The following SORCS1 variants were observed in gnomAD, a reference collection of about 807,000 sequenced individuals.
SORCS1 encodes sortilin related VPS10 domain containing receptor 1, also known as VPS10 domain-containing receptor SorCS1.
A neutral mutation model predicts 146.1 loss-of-function variants in SORCS1; 60 were observed. The observed-to-expected ratio is 0.41, with a 90% CI of 0.33 to 0.51. The LOEUF is 0.51. Among genes scored for constraint, SORCS1 ranks in the 20% least tolerant of loss-of-function variants. SORCS1 has a pLI of 0.21. For synonymous variants in SORCS1, 637 were observed against 584.0 expected, an observed-to-expected ratio of 1.09 and a Z score of -1.31; for missense variants, 1,352 against 1,487.6, an observed-to-expected ratio of 0.91 and a Z score of 1.50.
At chr10:106,983,616 C>T (rs188100716) in intron 1 of SORCS1, among the ~76,000 whole-genome samples, 1 of 152,200 alleles carries the variant, frequency 6.6e-6, no homozygotes, top group Non-Finnish European at 1.5e-5. Flanking sequence ...TTAGAGGTCC[C>T]GTAAGCAACA....
In SORCS1 at chr10:106,739,492, GA is replaced by G. The variant is rs760438849; in HGVS notation, c.960-9379del. On this transcript the variant is annotated intron_variant, in intron 5 of 25. Coordinates refer to ENST00000263054, the MANE Select transcript of SORCS1 (RefSeq NM_052918.5). ...AGAGAGAGAGAGACTGTCTCAAAAA[GA>G]AAAAAAAAAAAAAGGAATTGAAAAT... Among the ~76,000 whole-genome samples, 313 of 115,982 alleles carry G rather than the reference GA, an allele frequency of 2.7e-3. 2 individuals carry two copies. The highest frequency in any genetic ancestry group is 5.9e-3 in the Middle Eastern group (1 of 170). 76.1% of individuals were successfully genotyped at this position (115,982 alleles called of 152,430 possible).
Position 106,826,540 on chromosome 10 carries a change from G to A in SORCS1, c.726+3034C>T, listed in dbSNP as rs569469384. Among the ~76,000 whole-genome samples the A allele has an allele frequency of 6.4e-4, 97 of 152,286 alleles. No homozygotes were observed. The Middle Eastern group carries it at 0.027, about 43-fold the overall frequency. On this transcript the variant is annotated intron_variant, in intron 3 of 25. Transcript: ENST00000263054. Reference sequence around the variant, plus strand: ...ATATATTCACACTTTAAAATGTTGTGCAAGTACTATCTCTTTGATTCAAAT... The same window carrying A: ...ATATATTCACACTTTAAAATGTTGTACAAGTACTATCTCTTTGATTCAAAT...
At chr10:106,641,152 A>T (rs1427058264) in intron 18 of SORCS1, among the ~76,000 whole-genome samples, 6 of 152,092 alleles carry the variant, frequency 3.9e-5, no homozygotes, top group African/African-American at 7.2e-5. Flanking sequence ...TGACATTGGA[A>T]TTTTTCATCA....
At chr10:107,155,683 G>A (rs1389444763) in intron 1 of SORCS1, among the ~76,000 whole-genome samples, 5 of 151,970 alleles carry the variant, frequency 3.3e-5, no homozygotes, top group South Asian at 2.1e-4. Flanking sequence ...CTGCCCCACC[G>A]ACCCATCCAC....
rs1207869066 is a variant in SORCS1 at position 106,960,818 on chromosome 10, G to A, written c.559-4238C>T. 6.6e-6 allele frequency among the ~76,000 whole-genome samples: 1 copy of A among 152,146 alleles called. No individual in the cohort carries two copies. Among genetic ancestry groups the A allele is most frequent in the Non-Finnish European group, 1.5e-5 (1 of 68,036 alleles). ...CAGTGCCAGGTCAGGTTCTGTGCAG[G>A]AATGGGAGAGGGTCCAAGGGAGTGG... On this transcript the variant is annotated intron_variant, in intron 1 of 25. Coordinates refer to ENST00000263054, the MANE Select transcript of SORCS1 (RefSeq NM_052918.5). The surrounding 1 kb of genome is among the most constrained non-coding windows in gnomAD (Gnocchi z 4.4).
chr10:107,159,657 G>C (rs964775954), intron 1 of SORCS1, among the ~76,000 whole-genome samples: 3 of 152,096 alleles, frequency 2.0e-5, no homozygotes, highest in Non-Finnish European at 4.4e-5. Flanking sequence ...AAGGCAACGT[G>C]CTGATTTAGC....
intron 1 of SORCS1, among the ~76,000 whole-genome samples, chr10:107,001,413 G>A (rs991846527): frequency 1.3e-5 from 2 of 152,178 alleles, no homozygotes; most frequent in Admixed American, 1.3e-4. Flanking sequence ...AAGTTTGCTG[G>A]TGAAGAAGCC....
intron 1 of SORCS1, among the ~76,000 whole-genome samples, chr10:107,067,636 G>T (rs1256897886): frequency 6.6e-6 from 1 of 152,122 alleles, no homozygotes; most frequent in Non-Finnish European, 1.5e-5. Context: ...TATATAAAAT[G>T]ATTTAATTTA....
intron 2 of SORCS1, among the ~76,000 whole-genome samples, chr10:106,918,330 T>G (rs1019528503): frequency 1.3e-5 from 2 of 151,924 alleles, no homozygotes; most frequent in Non-Finnish European, 2.9e-5. Flanking sequence ...CTGGCTAATT[T>G]TTTTGTATTT....
At chr10:107,167,303 G>A (rs975335486), upstream of SORCS1, among the ~76,000 whole-genome samples, 4 of 152,130 alleles carry the variant, frequency 2.6e-5, no homozygotes, top group Non-Finnish European at 4.4e-5. Context: ...AATCATGGAG[G>A]GGAGTCTATT....
At chr10:107,106,128 G>A (rs554349670) in intron 1 of SORCS1, among the ~76,000 whole-genome samples, 8 of 152,244 alleles carry the variant, frequency 5.3e-5, no homozygotes, top group Admixed American at 1.3e-4. Flanking sequence ...GTTTGGATGA[G>A]GATCTCCTTG....
chr10:106,870,326 G>GA (rs1950360124), intron 2 of SORCS1, among the ~76,000 whole-genome samples: 1 of 152,032 alleles, frequency 6.6e-6, no homozygotes, highest in Admixed American at 6.5e-5. Flanking sequence ...ACTCTTCATA[G>GA]AAAAAACTAT....
At chr10:107,175,136 A>G in the SORCS1 span, among the ~76,000 whole-genome samples, 1 of 152,164 alleles carries the variant, frequency 6.6e-6, no homozygotes, top group Non-Finnish European at 1.5e-5. Flanking sequence ...ATTTTATTAT[A>G]GTGTTGAATC....
At chr10:106,818,047 G>C (rs978954734) in intron 3 of SORCS1, among the ~76,000 whole-genome samples, 1 of 152,176 alleles carries the variant, frequency 6.6e-6, no homozygotes, top group African/African-American at 2.4e-5. Flanking sequence ...AGAGCAAAGC[G>C]AGGTTCATGT....
intron 18 of SORCS1, among the ~76,000 whole-genome samples, chr10:106,637,650 T>C (rs935985583): frequency 2.0e-5 from 3 of 152,188 alleles, no homozygotes; most frequent in Non-Finnish European, 4.4e-5. Context: ...GTCAAGACCA[T>C]GAATTTCAGA....
At chr10:106,661,318 T>C (rs776184710) in intron 17 of SORCS1, among the ~76,000 whole-genome samples, 15 of 152,244 alleles carry the variant, frequency 9.9e-5, no homozygotes, top group Non-Finnish European at 1.5e-4. Flanking sequence ...CTGGCCTGAG[T>C]GGCATAAAGG....
At chr10:106,665,987 C>T (rs1851105794) in intron 17 of SORCS1, among the ~76,000 whole-genome samples, 1 of 152,080 alleles carries the variant, frequency 6.6e-6, no homozygotes, top group African/African-American at 2.4e-5. Flanking sequence ...ACTACAGGCA[C>T]CCACCACCAC....
intron 19 of SORCS1, among the ~76,000 whole-genome samples, chr10:106,624,355 T>C (rs1157032325): frequency 2.7e-5 from 2 of 74,420 alleles, no homozygotes; most frequent in African/African-American, 1.4e-4. Context: ...GATTTTTTTT[T>C]TTTTTTTTTT....
intron 1 of SORCS1, among the ~76,000 whole-genome samples, chr10:107,019,897 G>A (rs17121927): frequency 0.089 from 13,496 of 152,234 alleles, 1,681 homozygotes; most frequent in African/African-American, 0.28. Flanking sequence ...GCCAGAGCAA[G>A]AGCTGCAAAC....
Sources: gnomAD v4.1 joint callset for allele counts (sites outside exome capture counted in the v4.1 genomes callset) on GRCh38, gnomAD v4.1.1 for gene constraint, Gnocchi (gnomAD v3.1) non-coding constraint, MANE v1.5 for transcripts, NCBI Gene and HGNC (gene_info 2026-07-23, HGNC 2026-07-21) for gene names.